The following TMEM163 variants were observed in gnomAD, a reference collection of about 807,000 sequenced individuals.
TMEM163 encodes the protein transmembrane protein 163.
Under a neutral mutation model 29.3 loss-of-function variants are expected in TMEM163, and 17 were observed. The observed-to-expected ratio is 0.58, with a 90% confidence interval of 0.40 to 0.87. The LOEUF (loss-of-function observed/expected upper bound fraction) is 0.87, where lower values mean the gene tolerates loss of function less well. Ranked by LOEUF, TMEM163 falls within the 40% of genes least tolerant of loss-of-function variation. The pLI, the probability that TMEM163 is intolerant of heterozygous loss-of-function variation, is 0.00. For missense variants in TMEM163, 303 were observed against 381.5 expected (o/e 0.79, Z 1.71); for synonymous variants, 157 against 160.6 (o/e 0.98, Z 0.17).
intron 2 of TMEM163, among the ~76,000 whole-genome samples, chr2:134,711,232 T>G (rs1272567067): frequency 1.3e-5 from 2 of 152,174 alleles, no homozygotes; most frequent in African/African-American, 4.8e-5. Context: ...GAAATACATT[T>G]AGGAAACTAA....
At chr2:134,507,351 A>T (rs891058906) in intron 4 of TMEM163, among the ~76,000 whole-genome samples, 1 of 80,876 alleles carries the variant, frequency 1.2e-5, no homozygotes, top group Non-Finnish European at 2.5e-5. Flanking sequence ...TAAATAAATA[A>T]ATAAATAAAT....
intron 1 of TMEM163, among the ~76,000 whole-genome samples, chr2:134,713,829 C>A (rs1485820989): frequency 6.6e-6 from 1 of 152,160 alleles, no homozygotes; most frequent in Non-Finnish European, 1.5e-5. Flanking sequence ...CCTCACTGCT[C>A]CCCCAACAAT....
chr2:134,501,194 T>C (rs1296360892), intron 5 of TMEM163, among the ~76,000 whole-genome samples: 1 of 152,192 alleles, frequency 6.6e-6, no homozygotes, highest in Non-Finnish European at 1.5e-5. Context: ...GTACAGATGG[T>C]ATGGGTTCTG....
chr2:134,536,969 G>T (rs1558937603), intron 4 of TMEM163, among the ~76,000 whole-genome samples: 1 of 152,166 alleles, frequency 6.6e-6, no homozygotes, highest in South Asian at 2.1e-4. Context: ...AATCAGGAAG[G>T]GGGTTGGTCT....
At chr2:134,519,951 G>A (rs1031664710) in intron 4 of TMEM163, among the ~76,000 whole-genome samples, 2 of 151,568 alleles carry the variant, frequency 1.3e-5, no homozygotes, top group East Asian at 3.9e-4. Context: ...GCAGATGAAT[G>A]TGGGGGAGGG....
rs978094083 is a variant in TMEM163 at position 134,620,972 on chromosome 2, T to A, written c.323-68881A>T. Among the ~76,000 whole-genome samples, 3 of 152,138 alleles carry A rather than the reference T, an allele frequency of 2.0e-5. No homozygotes were observed. In the East Asian group the frequency reaches 5.8e-4, roughly 29 times the overall value. ...AAACACAATTCCCAAAGGAAAAAGTTGATAACCGAATATAGTCAAAATAAA... is the reference window on the plus strand; with the variant it reads ...AAACACAATTCCCAAAGGAAAAAGTAGATAACCGAATATAGTCAAAATAAA... On this transcript the variant is annotated intron_variant, in intron 2 of 7. Transcript: ENST00000281924.
chr2:134,497,742 TA>T (rs1364478107), intron 5 of TMEM163, among the ~76,000 whole-genome samples: 1 of 152,202 alleles, frequency 6.6e-6, no homozygotes, highest in African/African-American at 2.4e-5. Context: ...CGTGATTTGC[TA>T]AAAGTCACTC....
At chr2:134,678,490 C>G (rs1684166020) in intron 2 of TMEM163, among the ~76,000 whole-genome samples, 1 of 152,238 alleles carries the variant, frequency 6.6e-6, no homozygotes, top group African/African-American at 2.4e-5. Flanking sequence ...ATTGTAGGGA[C>G]TTTCCCAGTT....
chr2:134,642,616 C>T (rs1683246509), intron 2 of TMEM163, among the ~76,000 whole-genome samples: 1 of 152,136 alleles, frequency 6.6e-6, no homozygotes, highest in South Asian at 2.1e-4. Context: ...GCACATGGAA[C>T]ATTCACTAGG....
At chr2:134,552,145 A>G (rs1680943828) in intron 2 of TMEM163, 54 bp from the exon 3 acceptor site, 1 of 1,448,322 alleles carries the variant, frequency 6.9e-7, no homozygotes, top group African/African-American at 1.4e-5. Flanking sequence ...CTCATTTTTG[A>G]GTATATTAAT....
intron 4 of TMEM163, among the ~76,000 whole-genome samples, chr2:134,524,015 CTG>C (rs1279000271): frequency 6.6e-6 from 1 of 152,200 alleles, no homozygotes; most frequent in Non-Finnish European, 1.5e-5. Context: ...AGAGCTGAGA[CTG>C]AGAAACCCTG....
rs1463135379 is a variant in TMEM163, at chr2:134,610,041, C to G, written c.323-57950G>C. 2.0e-5 allele frequency among the ~76,000 whole-genome samples: 3 copies of G among 152,302 alleles called. No individual in the cohort carries two copies. The South Asian group carries it at 6.2e-4, about 32-fold the overall frequency. On this transcript the variant is annotated intron_variant, in intron 2 of 7. Coordinates refer to ENST00000281924, the MANE Select transcript of TMEM163 (RefSeq NM_030923.5). ...CAAAAGGGACTGGTCAAACAAGACC[C>G]CTGGCAGAAGCAGAAAGGGGAAGAG...
intron 4 of TMEM163, among the ~76,000 whole-genome samples, chr2:134,541,797 C>T (rs917959677): frequency 2.2e-5 from 3 of 138,144 alleles, no homozygotes; most frequent in Non-Finnish European, 3.2e-5. Flanking sequence ...CACACACACA[C>T]ACACATACAC....
chr2:134,477,342 G>C (rs991060771), intron 5 of TMEM163, among the ~76,000 whole-genome samples: 7 of 152,224 alleles, frequency 4.6e-5, no homozygotes, highest in African/African-American at 1.4e-4. Flanking sequence ...AGTGCGATCT[G>C]TTTGTTTAAA....
intron 2 of TMEM163, among the ~76,000 whole-genome samples, chr2:134,556,421 A>G (rs1303574028): frequency 6.6e-6 from 1 of 152,260 alleles, no homozygotes; most frequent in African/African-American, 2.4e-5. Context: ...GATTTATAAC[A>G]GCAAAACATT....
At chr2:134,477,638 G>A (rs548178449) in intron 5 of TMEM163, among the ~76,000 whole-genome samples, 1 of 152,174 alleles carries the variant, frequency 6.6e-6, no homozygotes, top group Non-Finnish European at 1.5e-5. Flanking sequence ...TTTTAAGATA[G>A]TAATCTTCAG....
chr2:134,562,293 G>A (rs1255588010), intron 2 of TMEM163, among the ~76,000 whole-genome samples: 1 of 152,202 alleles, frequency 6.6e-6, no homozygotes, highest in Non-Finnish European at 1.5e-5. Context: ...TATCCTCAGG[G>A]TCTGTGTGCT....
chr2:134,665,719 A>G (rs920900827), intron 2 of TMEM163, among the ~76,000 whole-genome samples: 1 of 151,984 alleles, frequency 6.6e-6, no homozygotes, highest in Non-Finnish European at 1.5e-5. Flanking sequence ...CTGAATTCCA[A>G]CCCTGCCTCT....
chr2:134,659,158 G>T (rs2078722342), intron 2 of TMEM163, among the ~76,000 whole-genome samples: 1 of 152,180 alleles, frequency 6.6e-6, no homozygotes, highest in Admixed American at 6.5e-5. Context: ...TAACACAATG[G>T]TATTTGTGTA....
Sources: gnomAD v4.1 joint callset for allele counts (sites outside exome capture counted in the v4.1 genomes callset) on GRCh38, gnomAD v4.1.1 for gene constraint, MANE v1.5 for transcripts, NCBI Gene and HGNC (gene_info 2026-07-23, HGNC 2026-07-21) for gene names.